Variants in GRID1 observed in about 807,000 individuals in gnomAD.
GRID1 encodes the protein glutamate ionotropic receptor delta type subunit 1, also known as glutamate receptor ionotropic, delta-1.
A neutral mutation model predicts 98.0 loss-of-function variants in GRID1; 28 were observed. The observed-to-expected ratio is 0.29, with a 90% confidence interval of 0.21 to 0.39. GRID1 has a LOEUF of 0.39. Ranked by LOEUF, GRID1 falls within the 10% of genes least tolerant of loss-of-function variation. The pLI, the probability that GRID1 is intolerant of heterozygous loss-of-function variation, is 1.00. For missense variants in GRID1, 1,111 were observed against 1,340.5 expected, an observed-to-expected ratio of 0.83 and a Z score of 2.67; for synonymous variants, 553 against 538.5, an observed-to-expected ratio of 1.03 and a Z score of -0.37.
intron 8 of GRID1, among the ~76,000 whole-genome samples, chr10:85,805,063 AAAG>A (rs1335340972): frequency 6.6e-6 from 1 of 151,586 alleles, no homozygotes; most frequent in African/African-American, 2.4e-5. Flanking sequence ...TAAAAAATGC[AAAG>A]AAGATAAGAA....
chr10:85,925,626 T>A (rs1487921980), intron 4 of GRID1, among the ~76,000 whole-genome samples: 1 of 152,222 alleles, frequency 6.6e-6, no homozygotes, highest in Non-Finnish European at 1.5e-5. Flanking sequence ...ATACTGGAGC[T>A]TGAGAAGCTG....
At chr10:85,858,524 G>A (rs1211917888) in intron 6 of GRID1, among the ~76,000 whole-genome samples, 1 of 152,056 alleles carries the variant, frequency 6.6e-6, no homozygotes, top group East Asian at 1.9e-4. Context: ...CAGCCCTCAG[G>A]AGCCCCCACC....
chr10:85,664,334 G>A (rs913679695), intron 12 of GRID1, among the ~76,000 whole-genome samples: 1 of 152,108 alleles, frequency 6.6e-6, no homozygotes, highest in Non-Finnish European at 1.5e-5. Context: ...TGAGATAGGT[G>A]ACTTGTCTGT....
intron 2 of GRID1, among the ~76,000 whole-genome samples, chr10:86,234,837 G>A (rs1449851028): frequency 6.6e-6 from 1 of 152,130 alleles, no homozygotes; most frequent in Non-Finnish European, 1.5e-5. Flanking sequence ...GGCGACACAG[G>A]GAGCCACCGG....
intron 3 of GRID1, among the ~76,000 whole-genome samples, chr10:86,149,984 T>C (rs1845140615): frequency 6.6e-6 from 1 of 152,256 alleles, no homozygotes; most frequent in Admixed American, 6.5e-5. Context: ...ATCCATAATA[T>C]GCTAATGATT....
rs1590173349 is a variant in GRID1, at chr10:85,646,990, A to T, written c.2193+212T>A. ...AGGCTTAATCTGCCTGCTCCTCCCC[A>T]GCCAGCACCACTCTACAAAGTTGGA... On this transcript the variant is annotated intron_variant, in intron 13 of 15. Coordinates refer to ENST00000327946, the MANE Select transcript of GRID1 (RefSeq NM_017551.3). The T allele has an allele frequency of 8.4e-6, 5 of 593,336 alleles. No homozygotes were observed. The East Asian group carries it at 1.4e-4, about 17-fold the overall frequency. 36.8% of individuals were successfully genotyped at this position (593,336 alleles called of 1,614,324 possible).
chr10:86,040,235 A>G (rs1001011697), intron 4 of GRID1, among the ~76,000 whole-genome samples: 1 of 152,154 alleles, frequency 6.6e-6, no homozygotes, highest in African/African-American at 2.4e-5. Context: ...CAGCAATCCA[A>G]CTACAGGGTA....
chr10:85,959,888 A>T (rs905958848), intron 4 of GRID1, among the ~76,000 whole-genome samples: 14 of 147,460 alleles, frequency 9.5e-5, no homozygotes, highest in African/African-American at 3.5e-4. Flanking sequence ...CTTTTGGGTA[A>T]TTTTTTTTTT....
At chr10:85,899,136 A>G (rs1841341717) in intron 5 of GRID1, among the ~76,000 whole-genome samples, 2 of 152,240 alleles carry the variant, frequency 1.3e-5, no homozygotes, top group African/African-American at 4.8e-5. Flanking sequence ...ATAATTCTGT[A>G]ACACAGAAGT....
intron 6 of GRID1, among the ~76,000 whole-genome samples, chr10:85,865,791 G>C (rs1267744370): frequency 6.6e-6 from 1 of 151,526 alleles, no homozygotes; most frequent in Non-Finnish European, 1.5e-5. Context: ...AGCTGCCCAA[G>C]TAGTTGTTGG....
At chr10:86,217,646 G>A (rs1177520794) in intron 2 of GRID1, among the ~76,000 whole-genome samples, 1 of 152,154 alleles carries the variant, frequency 6.6e-6, no homozygotes, top group Admixed American at 6.5e-5. Flanking sequence ...ATGCCTGCGG[G>A]TTTGGTGCTC....
chr10:86,035,586 G>A (rs1385770274), intron 4 of GRID1, among the ~76,000 whole-genome samples: 2 of 152,124 alleles, frequency 1.3e-5, no homozygotes, highest in Non-Finnish European at 2.9e-5. Flanking sequence ...GCAGGTCTAT[G>A]AAGGGTTCCC....
chr10:86,360,916 G>C (rs906590034), intron 2 of GRID1, among the ~76,000 whole-genome samples: 1 of 152,214 alleles, frequency 6.6e-6, no homozygotes. Context: ...AACAGCGACA[G>C]CACCACTCCA....
At chr10:86,171,102 C>A (rs891082322) in intron 3 of GRID1, among the ~76,000 whole-genome samples, 1 of 152,154 alleles carries the variant, frequency 6.6e-6, no homozygotes, top group African/African-American at 2.4e-5. Flanking sequence ...TACATCAGAG[C>A]GTCTAGAAGC....
chr10:85,854,578 C>A lies in GRID1; in HGVS notation c.1151G>T (p.Arg384Leu). ...ITGLTGVMEF[R>L]EDSSNPYVQF... ...GACATAGGGATTCGAACTGTCCTCC[C>A]GAAACTCCATCACCCCAGTGAGGCC... The change falls in exon 8 of 16, where the codon CGG (arginine) becomes CTG (leucine). Residue 384 changes from arginine to leucine, a missense_variant. Transcript: ENST00000327946. 1 of 1,613,778 alleles carries A rather than the reference C, an allele frequency of 6.2e-7. No homozygotes were observed. Among genetic ancestry groups the A allele is most frequent in the Non-Finnish European group, 8.5e-7 (1 of 1,179,694 alleles).
intron 4 of GRID1, among the ~76,000 whole-genome samples, chr10:86,098,900 A>G (rs1323742522): frequency 6.6e-6 from 1 of 152,064 alleles, no homozygotes; most frequent in Non-Finnish European, 1.5e-5. Context: ...TTCTGCTACA[A>G]CTCCCCTATT....
chr10:86,344,007 C>T (rs564779183), intron 2 of GRID1, among the ~76,000 whole-genome samples: 4 of 152,368 alleles, frequency 2.6e-5, no homozygotes, highest in Non-Finnish European at 4.4e-5. Context: ...GAAGGGCCAC[C>T]GTTCATTGGC....
At chr10:86,038,186 A>G (rs973603060) in intron 4 of GRID1, among the ~76,000 whole-genome samples, 1 of 152,128 alleles carries the variant, frequency 6.6e-6, no homozygotes, top group Non-Finnish European at 1.5e-5. Context: ...TCTGTTGTTT[A>G]AGCCTCCTGG....
intron 12 of GRID1, among the ~76,000 whole-genome samples, chr10:85,719,089 A>G (rs1564569334): frequency 1.3e-5 from 2 of 152,202 alleles, no homozygotes; most frequent in Non-Finnish European, 2.9e-5. Flanking sequence ...AAATGCCGCT[A>G]GTCTCTTTGC....
Sources: gnomAD v4.1 joint callset for allele counts (sites outside exome capture counted in the v4.1 genomes callset) on GRCh38, gnomAD v4.1.1 for gene constraint, MANE v1.5 for transcripts, NCBI Gene and HGNC (gene_info 2026-07-23, HGNC 2026-07-21) for gene names.